Variants in PRSS56 observed in about 807,000 individuals in gnomAD.
PRSS56 encodes the protein protease, serine 56.
In PRSS56, 55 loss-of-function variants were observed where a neutral mutation model predicts 66.8. The observed-to-expected ratio is 0.82, with a 90% CI of 0.66 to 1.03. The LOEUF (loss-of-function observed/expected upper bound fraction) is 1.03, where lower values mean the gene tolerates loss of function less well. Ranked by LOEUF, PRSS56 falls within the 50% of genes least tolerant of loss-of-function variation. PRSS56 has a pLI of 0.00. For missense variants in PRSS56, 869 were observed against 837.2 expected (o/e 1.04, Z -0.47); for synonymous variants, 409 against 387.9 (o/e 1.05, Z -0.64).
chr2:232,524,191 C>G lies in PRSS56; in HGVS notation c.1339C>G (p.Arg447Gly), dbSNP rs1320492760. 6.5e-7 allele frequency: 1 copy of G among 1,529,984 alleles called. No homozygotes were observed. The highest frequency in any genetic ancestry group is 8.7e-7 in the Non-Finnish European group (1 of 1,143,576). 94.8% of individuals were successfully genotyped at this position (1,529,984 alleles called of 1,614,324 possible). Reference protein sequence around the residue: ...ESPLHPARELRLHSGSRAAGT... With the variant: ...ESPLHPARELGLHSGSRAAGT... Reference sequence around the variant, plus strand: ...TCCTCTGCACCCCGCCCGGGAGCTGCGGCTTCACTCAGGTACCCCGCGCCC... The same window carrying G: ...TCCTCTGCACCCCGCCCGGGAGCTGGGGCTTCACTCAGGTACCCCGCGCCC... The change falls in exon 10 of 13, where the codon CGG (arginine) becomes GGG (glycine). Residue 447 changes from arginine (R) to glycine (G), a missense_variant. Physicochemically the swap from Arg to Gly is moderately radical, Grantham distance 125 (BLOSUM62 -2). Coordinates refer to ENST00000617714, the MANE Select transcript of PRSS56 (RefSeq NM_001195129.2).
At position 232,523,431 on chromosome 2, in the gene PRSS56, C is replaced by T; in HGVS notation, c.865C>T (p.Pro289Ser). 1.4e-6 allele frequency: 2 copies of T among 1,472,628 alleles called. No homozygotes were observed. The highest frequency in any genetic ancestry group is 1.8e-6 in the Non-Finnish European group (2 of 1,115,064). 91.2% of individuals were successfully genotyped at this position (1,472,628 alleles called of 1,614,324 possible). The change falls in exon 8 of 13, where the codon CCC becomes TCC. Residue 289 changes from proline to serine, a missense_variant. Transcript: ENST00000617714. The part of the protein sequence containing the change: ...VDSCQGDSGG[P>S]LTCSEPGPRP... ...GGCCCCGCAGGGTGACTCGGGAGGC[C>T]CCCTGACCTGTTCTGAGCCTGGCCC...
Position 232,521,443 on chromosome 2 carries a change from C to G in PRSS56, c.205+15C>G. On this transcript the variant is annotated intron_variant, in intron 2 of 12. Coordinates refer to ENST00000617714, the MANE Select transcript of PRSS56 (RefSeq NM_001195129.2). Reference sequence around the variant, plus strand: ...CGAGTGCCGAGGTGCCCACCCTGCCCCCCGTGCCCCAGTGAGCTTGCTGCC... The same window carrying G: ...CGAGTGCCGAGGTGCCCACCCTGCCGCCCGTGCCCCAGTGAGCTTGCTGCC... 4 of 1,530,428 alleles carry G rather than the reference C, an allele frequency of 2.6e-6. No individual in the cohort carries two copies. Among genetic ancestry groups the G allele is most frequent in the Non-Finnish European group, 3.5e-6 (4 of 1,141,684 alleles). 94.8% of individuals were successfully genotyped at this position (1,530,428 alleles called of 1,614,324 possible). A position where few individuals can be genotyped will look rare whatever the true frequency, so the allele number is the denominator to read the frequency against.
intron 2 of PRSS56, 111 bp from the exon 3 acceptor site, chr2:232,521,705 G>C: frequency 9.1e-7 from 1 of 1,095,812 alleles, no homozygotes; most frequent in Non-Finnish European, 1.3e-6. Flanking sequence ...ACCCGTGTGG[G>C]CTGGAGGGCT....
chr2:232,523,372 A>AT, intron 7 of PRSS56, 44 bp from the exon 8 acceptor site: 1 of 1,428,940 alleles, frequency 7.0e-7, no homozygotes, highest in South Asian at 1.5e-5. Context: ...GGCAGGCGTC[A>AT]TAGGGGGCAG....
At chr2:232,521,913 C>T (rs1217773684) in intron 3 of PRSS56, 47 bp downstream of exon 3, 2 of 1,527,206 alleles carry the variant, frequency 1.3e-6, no homozygotes, top group Non-Finnish European at 1.8e-6. Flanking sequence ...GCCGGGTGGG[C>T]CTCGAAGGCG....
In PRSS56 at chr2:232,521,416, C is replaced by T; in HGVS notation, c.193C>T (p.His65Tyr). ...GGCGATGGAGATCCAGCACAGATCG[C>T]ACGAGTGCCGAGGTGCCCACCCTGC... ...RVAMEIQHRSHECRGSGRPRP... is the reference protein window; with the variant it reads ...RVAMEIQHRSYECRGSGRPRP... Residue 65 changes from histidine to tyrosine, a missense_variant, in exon 2 of 13, where the codon CAC (histidine) becomes TAC (tyrosine). His to Tyr is a moderately conservative substitution (Grantham distance 83, BLOSUM62 2). Coordinates refer to ENST00000617714, the MANE Select transcript of PRSS56 (RefSeq NM_001195129.2). 2 of 1,536,070 alleles carry T rather than the reference C, an allele frequency of 1.3e-6. No homozygotes were observed. Among genetic ancestry groups the T allele is most frequent in the Non-Finnish European group, 1.7e-6 (2 of 1,146,818 alleles).
chr2:232,520,733 G>A (rs1691259174), intron 1 of PRSS56, 38 bp downstream of exon 1: 1 of 1,379,002 alleles, frequency 7.3e-7, no homozygotes, highest in Non-Finnish European at 9.9e-7. Context: ...GGGGTTGGGA[G>A]GAATGTAGAG....
intron 1 of PRSS56, 56 bp downstream of exon 1, chr2:232,520,751 G>A: frequency 8.2e-7 from 1 of 1,226,556 alleles, no homozygotes; most frequent in African/African-American, 1.5e-5. Flanking sequence ...GAGGAAGTGG[G>A]ACCCTGGGCG....
chr2:232,522,389 C>G (rs1292504786), intron 4 of PRSS56, 126 bp from the exon 5 acceptor site: 3 of 964,972 alleles, frequency 3.1e-6, no homozygotes, highest in African/African-American at 3.5e-5. Flanking sequence ...GGGACCCCTC[C>G]CCGGCCCGCC....
Position 232,525,560 on chromosome 2 carries a change from G to C in PRSS56, c.*54G>C, listed in dbSNP as rs969802471. 2.2e-6 allele frequency: 3 copies of C among 1,393,586 alleles called. No individual in the cohort carries two copies. The highest frequency in any genetic ancestry group is 2.6e-4 in the Middle Eastern group (1 of 3,880). 86.3% of individuals were successfully genotyped at this position (1,393,586 alleles called of 1,614,324 possible). ...AGGACCTACTGCTCCCAGGGGCTGAGAGGGGTTCGGGAGCATAATGACAAA... is the reference window on the plus strand; with the variant it reads ...AGGACCTACTGCTCCCAGGGGCTGACAGGGGTTCGGGAGCATAATGACAAA... On this transcript the variant is annotated 3_prime_UTR_variant, in exon 13 of 13. Transcript: ENST00000617714.
chr2:232,524,906 G>A, intron 12 of PRSS56, 62 bp downstream of exon 12: 2 of 1,337,972 alleles, frequency 1.5e-6, no homozygotes, highest in South Asian at 2.5e-5. Context: ...CCCAGCCCAG[G>A]GAAGATGCAG....
At position 232,525,503 on chromosome 2, in the gene PRSS56, C is replaced by G. The variant is rs545678299; in HGVS notation, c.1809C>G (p.Pro603=). ...CTCAGGTACCCCCCGCCAGGCAACC[C>G]TGAGCCATGTCTGGGCCCCCAGCCC... ...LNPQVPPARQ[P] is the part of the protein sequence containing the mutation. The change falls in exon 13 of 13, where the codon CCC becomes CCG. Residue 603 remains proline, a synonymous_variant. Coordinates refer to ENST00000617714, the MANE Select transcript of PRSS56 (RefSeq NM_001195129.2). 2.0e-4 allele frequency: 298 copies of G among 1,476,266 alleles called. 2 individuals carry two copies. In the South Asian group the frequency reaches 2.7e-3, roughly 13 times the overall value. 91.4% of individuals were successfully genotyped at this position (1,476,266 alleles called of 1,614,324 possible).
chr2:232,524,251 G>T, intron 10 of PRSS56, 48 bp downstream of exon 10: 1 of 1,534,688 alleles, frequency 6.5e-7, no homozygotes, highest in Non-Finnish European at 8.7e-7. Flanking sequence ...GGCCCCACCC[G>T]CGCGGCACAG....
intron 11 of PRSS56, 64 bp downstream of exon 11, chr2:232,524,433 C>A (rs1382190904): frequency 1.4e-6 from 2 of 1,467,684 alleles, no homozygotes; most frequent in Non-Finnish European, 1.8e-6. Context: ...AGGTCGGAAG[C>A]GCTTCTACTG....
chr2:232,523,089 G>A lies in PRSS56; in HGVS notation c.736G>A (p.Ala246Thr), dbSNP rs1262450983. Residue 246 changes from alanine to threonine, a missense_variant, in exon 7 of 13, where the codon GCC (alanine) becomes ACC (threonine). Ala to Thr is a moderately conservative substitution (Grantham distance 58). This residue lies in a region of PRSS56 where 551 missense variants were observed against 506.9 expected (regional missense o/e 1.09). Transcript: ENST00000617714. ...GCCTGAGGCTGAAGCAGTGAGAGAGGCCCGTGTTCCCCTGCTCAGCACCGA... is the reference window on the plus strand; with the variant it reads ...GCCTGAGGCTGAAGCAGTGAGAGAGACCCGTGTTCCCCTGCTCAGCACCGA... ...DGPEAEAVRE[A>T]RVPLLSTDTC... 6 of 1,535,058 alleles carry A rather than the reference G, an allele frequency of 3.9e-6. No individual in the cohort carries two copies. Among genetic ancestry groups the A allele is most frequent in the Middle Eastern group, 1.7e-4 (1 of 6,006 alleles).
chr2:232,521,284 C>G (rs1691270382), intron 1 of PRSS56, 37 bp from the exon 2 acceptor site: 1 of 1,476,194 alleles, frequency 6.8e-7, no homozygotes, highest in Non-Finnish European at 9.2e-7. Context: ...AGGCTCTTCC[C>G]CAACCACGCA....
Position 232,524,123 on chromosome 2 carries a change from T to G in PRSS56, c.1271T>G (p.Leu424Arg). 6.6e-7 allele frequency: 1 copy of G among 1,512,840 alleles called. No individual in the cohort carries two copies. 93.7% of individuals were successfully genotyped at this position (1,512,840 alleles called of 1,614,324 possible). Residue 424 changes from leucine to arginine, a missense_variant, in exon 10 of 13, where the codon CTG (leucine) becomes CGG (arginine). Transcript: ENST00000617714. ...LLGPRPGLRR[L>R]APALALPAPA... The stretch of plus-strand genomic sequence containing the variant: ...GGGCCTCGTCCGGGACTGCGGCGCC[T>G]GGCCCCCGCCCTGGCTCTCCCCGCT...
chr2:232,522,529 T>G lies in PRSS56; in HGVS notation c.461T>G (p.Leu154Arg). 6.5e-7 allele frequency: 1 copy of G among 1,532,978 alleles called. No homozygotes were observed. The allele number at this position is 1,532,978 out of a possible 1,614,324, so 95.0% of individuals were successfully genotyped here. ...AHCFVGAPNE[L>R]LWTVTLAEGS... ...TCGACCCGCAGCGCCCCGAATGAGC[T>G]TCTGTGGACTGTGACGCTGGCAGAG... Residue 154 changes from leucine to arginine, a missense_variant, in exon 5 of 13, where the codon CTT becomes CGT. Around this residue, in one of 3 missense-constraint regions of PRSS56, gnomAD observed 315 missense variants for 313.7 expected, o/e 1.00. Transcript: ENST00000617714.
chr2:232,524,896 C>G, intron 12 of PRSS56, 52 bp downstream of exon 12: 2 of 1,400,624 alleles, frequency 1.4e-6, no homozygotes, highest in Non-Finnish European at 2.0e-6. Flanking sequence ...AAGGCTGAGA[C>G]CCAGCCCAGG....
Sources: gnomAD v4.1 joint callset for allele counts on GRCh38, gnomAD v4.1.1 for gene constraint, gnomAD v4.1.1 regional missense constraint, MANE v1.5 for transcripts, NCBI Gene and HGNC (gene_info 2026-07-23, HGNC 2026-07-21) for gene names.